The following UNC13C variants were observed in gnomAD, a reference collection of about 807,000 sequenced individuals.
The protein encoded by UNC13C is unc-13 homolog C.
UNC13C carries 174 observed loss-of-function variants against 245.4 expected under a neutral mutation model. That is an observed-to-expected ratio of 0.71 (90% CI 0.63 to 0.80). The LOEUF (loss-of-function observed/expected upper bound fraction) is 0.80, where lower values mean the gene tolerates loss of function less well. Ranked by LOEUF, UNC13C falls within the 30% of genes least tolerant of loss-of-function variation. The pLI, the probability that UNC13C is intolerant of heterozygous loss-of-function variation, is 0.00. For missense variants in UNC13C, 2,829 were observed against 2,602.9 expected (o/e 1.09, Z -1.89); for synonymous variants, 992 against 895.1 (o/e 1.11, Z -1.93).
At chr15:54,053,595 G>T (rs1897367049) in intron 2 of UNC13C, among the ~76,000 whole-genome samples, 1 of 151,876 alleles carries the variant, frequency 6.6e-6, no homozygotes. Flanking sequence ...GGGTGAATGG[G>T]GTGTCCATCA....
chr15:54,083,529 T>C (rs62012175), intron 2 of UNC13C, among the ~76,000 whole-genome samples: 5 of 152,080 alleles, frequency 3.3e-5, no homozygotes, highest in Non-Finnish European at 5.9e-5. Context: ...CAGCCCCCAG[T>C]GGGGAGAACC....
chr15:53,863,279 G>C, the UNC13C span, among the ~76,000 whole-genome samples: 1 of 152,168 alleles, frequency 6.6e-6, no homozygotes, highest in South Asian at 2.1e-4. Flanking sequence ...CCTCCAGGCT[G>C]TCTGGGGCGG....
chr15:54,180,036 G>T (rs1260171247), intron 4 of UNC13C, among the ~76,000 whole-genome samples: 1 of 151,940 alleles, frequency 6.6e-6, no homozygotes, highest in African/African-American at 2.4e-5. Context: ...TTACTTTCAG[G>T]GGGTATACGT....
At chr15:53,989,796 A>G (rs1595684363) in intron 1 of UNC13C, among the ~76,000 whole-genome samples, 2 of 152,064 alleles carry the variant, frequency 1.3e-5, no homozygotes, top group African/African-American at 4.8e-5. Flanking sequence ...GACAGCAGCC[A>G]GCATGGCTAC....
chr15:54,428,050 G>A (rs2040795041), intron 19 of UNC13C, among the ~76,000 whole-genome samples: 1 of 151,814 alleles, frequency 6.6e-6, no homozygotes, highest in Admixed American at 6.6e-5. Flanking sequence ...CAGCCTAGAT[G>A]TGAATAATAC....
chr15:54,460,303 G>T (rs1246999176), intron 19 of UNC13C, among the ~76,000 whole-genome samples: 1 of 152,234 alleles, frequency 6.6e-6, no homozygotes, highest in Non-Finnish European at 1.5e-5. Context: ...TGGCACAGGA[G>T]TTAAGTGGAC....
chr15:54,545,597 A>G (rs995671047), intron 26 of UNC13C, among the ~76,000 whole-genome samples: 3 of 152,322 alleles, frequency 2.0e-5, no homozygotes, highest in South Asian at 2.1e-4. Flanking sequence ...TACTTAATCT[A>G]TAAGGAACTT....
intron 2 of UNC13C, among the ~76,000 whole-genome samples, chr15:54,040,763 C>A (rs1042460848): frequency 6.6e-6 from 1 of 152,104 alleles, no homozygotes; most frequent in African/African-American, 2.4e-5. Context: ...CCAGAATATG[C>A]CTATGGTACT....
chr15:54,491,358 G>A (rs2245568), intron 19 of UNC13C, among the ~76,000 whole-genome samples: 88,953 of 151,100 alleles, frequency 0.59, 26,255 homozygotes, highest in East Asian at 0.79. Flanking sequence ...CCTACCAAAG[G>A]AAAAAAAAAC....
chr15:53,952,978 T>C, the UNC13C span, among the ~76,000 whole-genome samples: 1 of 152,230 alleles, frequency 6.6e-6, no homozygotes, highest in Non-Finnish European at 1.5e-5. Flanking sequence ...CTTGTACTTA[T>C]GTGAAGTGTA....
At chr15:54,250,733 T>TTTTC (rs1202618938) in intron 8 of UNC13C, among the ~76,000 whole-genome samples, 982 of 87,768 alleles carry the variant, frequency 0.011, 44 homozygotes, top group African/African-American at 0.043. Flanking sequence ...CTTTTTTGTC[T>TTTTC]TTTCTTTCTT....
chr15:54,421,903 C>T (rs545407383), intron 19 of UNC13C, among the ~76,000 whole-genome samples: 207 of 152,074 alleles, frequency 1.4e-3, no homozygotes, highest in Middle Eastern at 3.4e-3. Flanking sequence ...TAGCAAGGCT[C>T]AATGCAACAC....
At chr15:54,321,707 G>A (rs1162017654) in intron 13 of UNC13C, 2 of 460,584 alleles carry the variant, frequency 4.3e-6, no homozygotes, top group South Asian at 2.9e-5. Flanking sequence ...TGCTTTCTCG[G>A]CAGCGTCCAT....
intron 10 of UNC13C, among the ~76,000 whole-genome samples, chr15:54,274,983 T>C (rs2036794734): frequency 6.6e-6 from 1 of 152,030 alleles, no homozygotes; most frequent in African/African-American, 2.4e-5. Flanking sequence ...GTAGACAAAT[T>C]TTAATATCAA....
the UNC13C span, among the ~76,000 whole-genome samples, chr15:53,931,897 G>A: frequency 2.6e-5 from 4 of 152,242 alleles, no homozygotes; most frequent in South Asian, 8.3e-4. Flanking sequence ...TTACCAAAAT[G>A]GAAATGATTA....
At chr15:54,406,672 A>G (rs2040300240) in intron 18 of UNC13C, among the ~76,000 whole-genome samples, 1 of 152,184 alleles carries the variant, frequency 6.6e-6, no homozygotes, top group Non-Finnish European at 1.5e-5. Flanking sequence ...TCACGAGTAC[A>G]ATTATGGAAT....
chr15:53,872,811 CCTT>C, the UNC13C span, among the ~76,000 whole-genome samples: 4 of 152,150 alleles, frequency 2.6e-5, no homozygotes, highest in African/African-American at 9.7e-5. Context: ...CTCTCATTAT[CCTT>C]CTAGGCTGGT....
At chr15:53,935,684 TG>T in the UNC13C span, among the ~76,000 whole-genome samples, 1 of 151,926 alleles carries the variant, frequency 6.6e-6, no homozygotes, top group African/African-American at 2.4e-5. Flanking sequence ...AAAAGCAGGG[TG>T]GGGTGATGGC....
At chr15:54,487,243 G>A (rs1893462595) in intron 19 of UNC13C, among the ~76,000 whole-genome samples, 2 of 152,150 alleles carry the variant, frequency 1.3e-5, no homozygotes, top group Non-Finnish European at 2.9e-5. Flanking sequence ...GTGACTATGA[G>A]CAGAACTACC....
Sources: gnomAD v4.1 joint callset for allele counts (sites outside exome capture counted in the v4.1 genomes callset) on GRCh38, gnomAD v4.1.1 for gene constraint, MANE v1.5 for transcripts, NCBI Gene and HGNC (gene_info 2026-07-23, HGNC 2026-07-21) for gene names.